Variants in MYBPC1 observed in about 807,000 individuals in gnomAD.
MYBPC1 encodes the protein myosin binding protein C1.
A neutral mutation model predicts 147.1 loss-of-function variants in MYBPC1; 52 were observed. The ratio of observed to expected loss-of-function variants is 0.35; its 90% confidence interval spans 0.28 to 0.45. The LOEUF (loss-of-function observed/expected upper bound fraction) is 0.45, where lower values mean the gene tolerates loss of function less well. Among genes scored for constraint, MYBPC1 ranks in the 20% least tolerant of loss-of-function variants. The pLI is 1.00. For missense variants in MYBPC1, 1,228 were observed against 1,440.3 expected (o/e 0.85, Z 2.39); for synonymous variants, 477 against 475.9 (o/e 1.00, Z -0.03).
intron 3 of MYBPC1, among the ~76,000 whole-genome samples, chr12:101,626,088 C>CAAAAA (rs769008600): frequency 0.038 from 2,086 of 54,934 alleles, 65 homozygotes; most frequent in Middle Eastern, 0.058. Context: ...AACTCTGTCT[C>CAAAAA]AAAAAAAAAA....
chr12:101,601,368 A>G (rs937128775), intron 1 of MYBPC1, among the ~76,000 whole-genome samples: 1 of 152,168 alleles, frequency 6.6e-6, no homozygotes, highest in African/African-American at 2.4e-5. Context: ...CCAAAGATGG[A>G]CCACAGGCCA....
At chr12:101,627,892 C>A in intron 5 of MYBPC1, 88 bp downstream of exon 5, 1 of 1,413,212 alleles carries the variant, frequency 7.1e-7, no homozygotes, top group Non-Finnish European at 1.0e-6. Context: ...TGATTCTAAT[C>A]CTTGTCTTAT....
intron 13 of MYBPC1, 98 bp from the exon 14 acceptor site, chr12:101,647,947 G>A: frequency 1.1e-6 from 1 of 931,926 alleles, no homozygotes; most frequent in Non-Finnish European, 1.7e-6. Context: ...CATAGATGTT[G>A]CTTTCTCACT....
In MYBPC1 at chr12:101,686,019, A is replaced by T. The variant is rs1951335417; in HGVS notation, c.*457A>T. ...TTTTCCTCTCAGAGTAAAAAACATA[A>T]CACAATGCACCACGACTGGATCTTG... On this transcript the variant is annotated 3_prime_UTR_variant, in exon 32 of 32. Transcript: ENST00000361466. The T allele has an allele frequency of 6.0e-6, 1 of 167,276 alleles. No homozygotes were observed. Among genetic ancestry groups the T allele is most frequent in the Non-Finnish European group, 1.3e-5 (1 of 78,684 alleles). The allele number at this position is 167,276 out of a possible 1,614,324, so 10.4% of individuals were successfully genotyped here. A position where few individuals can be genotyped will look rare whatever the true frequency, so the allele number is the denominator to read the frequency against.
At chr12:101,600,532 C>A (rs950479420) in intron 1 of MYBPC1, 1 of 152,098 alleles carries the variant, frequency 6.6e-6, no homozygotes, top group Non-Finnish European at 1.5e-5. Context: ...ATACATTCTT[C>A]TTTTCAATTT....
chr12:101,667,922 G>C lies in MYBPC1; in HGVS notation c.2524+23G>C, dbSNP rs562480037. ...TAGGTAGGAGACAAGGCTTTCAAAA[G>C]TTAGACTCCATTTTACATGGTTCAC... On this transcript the variant is annotated intron_variant, in intron 23 of 31. Coordinates refer to ENST00000361466, the MANE Select transcript of MYBPC1 (RefSeq NM_002465.4). The C allele has an allele frequency of 3.1e-6, 5 of 1,611,060 alleles. No individual in the cohort carries two copies. The South Asian group carries it at 4.4e-5, about 14-fold the overall frequency.
rs886665128 is a variant in MYBPC1 at position 101,652,911 on chromosome 12, C to T, written c.1633+127C>T. On this transcript the variant is annotated intron_variant, in intron 17 of 31. Coordinates refer to ENST00000361466, the MANE Select transcript of MYBPC1 (RefSeq NM_002465.4). The stretch of plus-strand genomic sequence containing the variant: ...AAAATACATCAATTGGTATTAATCA[C>T]CAATCAGAAAGATTGGTGACTTATA... 6.5e-6 allele frequency: 7 copies of T among 1,071,528 alleles called. No homozygotes were observed. In the East Asian group the frequency reaches 7.5e-5, roughly 11 times the overall value. The allele number at this position is 1,071,528 out of a possible 1,614,324, so 66.4% of individuals were successfully genotyped here.
At position 101,684,440 on chromosome 12, in the gene MYBPC1, GT is replaced by G; in HGVS notation, c.*19+20del. 6.4e-7 allele frequency: 1 copy of G among 1,567,966 alleles called. No homozygotes were observed. ...ATCATCTAAGGTAAGCTTTCATATGGTTTTGGCATATGAAGCTTATGACTGT... is the reference window on the plus strand; with the variant it reads ...ATCATCTAAGGTAAGCTTTCATATGGTTTGGCATATGAAGCTTATGACTGT... On this transcript the variant is annotated intron_variant, in intron 31 of 31. Coordinates refer to ENST00000361466, the MANE Select transcript of MYBPC1 (RefSeq NM_002465.4).
At chr12:101,673,740 T>C in intron 25 of MYBPC1, 118 bp downstream of exon 25, 1 of 1,120,146 alleles carries the variant, frequency 8.9e-7, no homozygotes, top group Non-Finnish European at 1.3e-6. Flanking sequence ...AACTCTTTTT[T>C]TAGATTTATT....
Position 101,678,091 on chromosome 12 carries a change from T to A in MYBPC1, c.3110-11T>A. On this transcript the variant is annotated splice_polypyrimidine_tract_variant and intron_variant, in intron 27 of 31. Coordinates refer to ENST00000361466, the MANE Select transcript of MYBPC1 (RefSeq NM_002465.4). ...CATAATTTTAACATATTTGTAATGC[T>A]TGTTTTTAAGGTAAAATCTACAAAA... The A allele has an allele frequency of 6.2e-7, 1 of 1,610,918 alleles. No individual in the cohort carries two copies. The highest frequency in any genetic ancestry group is 8.5e-7 in the Non-Finnish European group (1 of 1,177,058).
downstream of MYBPC1, among the ~76,000 whole-genome samples, chr12:101,686,494 A>G (rs1951349566): frequency 6.6e-6 from 1 of 152,242 alleles, no homozygotes; most frequent in Non-Finnish European, 1.5e-5. Context: ...GGAAACCTTT[A>G]TTAAAAAATC....
intron 9 of MYBPC1, 146 bp from the exon 10 acceptor site, chr12:101,636,526 C>T (rs139883120): frequency 5.0e-5 from 36 of 716,092 alleles, no homozygotes; most frequent in African/African-American, 4.2e-4. Flanking sequence ...CTTAACATGT[C>T]ACTTGTGTGA....
intron 29 of MYBPC1, among the ~76,000 whole-genome samples, chr12:101,681,555 CATATATATAT>C (rs1206495774): frequency 0.055 from 1,263 of 23,164 alleles, 38 homozygotes; most frequent in Middle Eastern, 0.17. Context: ...AAATAACTTT[CATATATATAT>C]ATATATATAT....
At chr12:101,615,094 C>T (rs2135818307) in intron 2 of MYBPC1, 4 of 171,640 alleles carry the variant, frequency 2.3e-5, no homozygotes, top group Middle Eastern at 2.9e-3. Flanking sequence ...CACCAGCTGG[C>T]AACAGGAAAT....
At chr12:101,640,949 T>A (rs1228709565) in intron 10 of MYBPC1, among the ~76,000 whole-genome samples, 1 of 151,958 alleles carries the variant, frequency 6.6e-6, no homozygotes, top group Non-Finnish European at 1.5e-5. Flanking sequence ...ATCCCATCTC[T>A]ACTAAAAATA....
intron 3 of MYBPC1, among the ~76,000 whole-genome samples, chr12:101,617,838 T>C (rs1056466773): frequency 6.6e-6 from 1 of 152,178 alleles, no homozygotes; most frequent in Non-Finnish European, 1.5e-5. Context: ...TAGAAAATAA[T>C]CTTAATCATA....
At position 101,673,521 on chromosome 12, in the gene MYBPC1, T is replaced by C; in HGVS notation, c.2708T>C (p.Ile903Thr). The C allele has an allele frequency of 6.2e-7, 1 of 1,614,132 alleles. No homozygotes were observed. The highest frequency in any genetic ancestry group is 8.5e-7 in the Non-Finnish European group (1 of 1,179,994). The change falls in exon 25 of 32, where the codon ATA becomes ACA. Residue 903 changes from isoleucine to threonine, a missense_variant. Physicochemically the swap from Ile to Thr is moderately conservative, Grantham distance 89. This residue lies in a region of MYBPC1 where 1,077 missense variants were observed against 1,314.2 expected (regional missense o/e 0.82). Coordinates refer to ENST00000361466, the MANE Select transcript of MYBPC1 (RefSeq NM_002465.4). The stretch of plus-strand genomic sequence containing the variant: ...CGCAACTCTGAGACTGATACAATCA[T>C]ATTTATTAGAAAAGCAGAGAGGAGC... ...NIRNSETDTIIFIRKAERSHS... is the reference protein window; with the variant it reads ...NIRNSETDTITFIRKAERSHS...
At chr12:101,614,588 C>A in intron 2 of MYBPC1, 57 bp downstream of exon 2, 1 of 1,590,420 alleles carries the variant, frequency 6.3e-7, no homozygotes, top group East Asian at 2.3e-5. Flanking sequence ...GGGTCCATCC[C>A]AGCATGATTT....
Position 101,662,468 on chromosome 12 carries a change from T to C in MYBPC1, c.2143T>C (p.Tyr715His), listed in dbSNP as rs1483942168. 1.9e-6 allele frequency: 3 copies of C among 1,614,104 alleles called. No homozygotes were observed. In the Admixed American group the frequency reaches 5.0e-5, roughly 27 times the overall value. Reference protein sequence around the residue: ...EPKKMIEGVAYEVRIFAVNAI... With the variant: ...EPKKMIEGVAHEVRIFAVNAI... ...CAAGAAGATGATTGAAGGTGTGGCC[T>C]ATGAGGTCCGCATCTTTGCAGTCAA... The change falls in exon 21 of 32, where the codon TAT (tyrosine) becomes CAT (histidine). Residue 715 changes from tyrosine (Y) to histidine (H), a missense_variant. Tyr to His is a moderately conservative substitution (Grantham distance 83). Transcript: ENST00000361466.
Sources: gnomAD v4.1 joint callset for allele counts (sites outside exome capture counted in the v4.1 genomes callset) on GRCh38, gnomAD v4.1.1 for gene constraint, gnomAD v4.1.1 regional missense constraint, MANE v1.5 for transcripts, NCBI Gene and HGNC (gene_info 2026-07-23, HGNC 2026-07-21) for gene names.